HK1: variants seen among roughly 807,000 people sequenced by gnomAD.
HK1 encodes hexokinase-1.
HK1 carries 28 observed loss-of-function variants against 91.6 expected under a neutral mutation model. The ratio of observed to expected loss-of-function variants is 0.31; its 90% CI spans 0.23 to 0.42. The LOEUF (loss-of-function observed/expected upper bound fraction) is 0.42. Ranked by LOEUF, HK1 falls within the 10% of genes least tolerant of loss-of-function variation. The pLI is 1.00. For synonymous variants in HK1, 430 were observed against 468.1 expected, an observed-to-expected ratio of 0.92 and a Z score of 1.05; for missense variants, 770 against 1,219.8, an observed-to-expected ratio of 0.63 and a Z score of 5.49.
intron 5 of HK1, among the ~76,000 whole-genome samples, chr10:69,305,166 C>T (rs1846046267): frequency 6.6e-6 from 1 of 152,162 alleles, no homozygotes; most frequent in African/African-American, 2.4e-5. Flanking sequence ...GCCTGTCCTC[C>T]AGTCAGCGGG....
At chr10:69,386,713 A>G in intron 13 of HK1, 1 of 349,252 alleles carries the variant, frequency 2.9e-6, no homozygotes. Flanking sequence ...ACCCAGGAGG[A>G]GGTTGCAGTG....
chr10:69,355,810 A>G (rs1319217713), intron 2 of HK1, among the ~76,000 whole-genome samples: 2 of 150,408 alleles, frequency 1.3e-5, no homozygotes, highest in African/African-American at 2.4e-5. Flanking sequence ...CTTTGTCTCG[A>G]AAAAAAAAAT....
intron 1 of HK1, among the ~76,000 whole-genome samples, chr10:69,342,565 GC>G (rs1171614438): frequency 1.3e-5 from 2 of 152,222 alleles, no homozygotes; most frequent in African/African-American, 4.8e-5. Context: ...AGAGCACAGA[GC>G]CACACCTGCA....
At chr10:69,342,575 C>T (rs115207189) in intron 1 of HK1, among the ~76,000 whole-genome samples, 2,969 of 152,266 alleles carry the variant, frequency 0.019, 76 homozygotes, top group African/African-American at 0.063. Flanking sequence ...GCCACACCTG[C>T]AGAGGGTAGG....
intron 1 of HK1, chr10:69,338,757 G>A (rs1452015446): frequency 3.3e-6 from 4 of 1,199,056 alleles, no homozygotes; most frequent in Non-Finnish European, 4.3e-6. Flanking sequence ...GTGTGTGTGT[G>A]AGAGATTGTG....
rs144681971 is a variant in HK1 at position 69,300,229 on chromosome 10, A to T, written c.-66-540A>T. 2.3e-4 allele frequency among the ~76,000 whole-genome samples: 35 copies of T among 151,892 alleles called. 1 individual carries two copies. The highest frequency in any genetic ancestry group is 8.3e-4 in the African/African-American group (34 of 41,208). On this transcript the variant is annotated intron_variant, in intron 4 of 21. Transcript: ENST00000360289. ...TCAATACTTCCCATTTCCTGTCCTG[A>T]CAGTATCACTATTCTGACTTCTATC...
chr10:69,398,986 A>T (rs543678530), intron 17 of HK1, among the ~76,000 whole-genome samples, 158 bp downstream of exon 17: 5 of 152,304 alleles, frequency 3.3e-5, no homozygotes, highest in African/African-American at 1.2e-4. Flanking sequence ...GGACAAGGTA[A>T]TGAACAGTTT....
chr10:69,276,587 A>G (rs1490703967), intron 1 of HK1, among the ~76,000 whole-genome samples: 5 of 152,004 alleles, frequency 3.3e-5, no homozygotes, highest in Admixed American at 3.3e-4. Context: ...CCAACCCGGG[A>G]GGCGGAGGTT....
At chr10:69,364,984 C>T in intron 4 of HK1, 82 bp downstream of exon 4, 2 of 1,523,748 alleles carry the variant, frequency 1.3e-6, no homozygotes, top group Non-Finnish European at 1.8e-6. Flanking sequence ...ACAACTTTTC[C>T]CCTTTGTTGG....
intron 2 of HK1, among the ~76,000 whole-genome samples, chr10:69,345,161 T>C (rs986808569): frequency 1.3e-5 from 2 of 152,114 alleles, no homozygotes; most frequent in African/African-American, 4.8e-5. Flanking sequence ...GAATGAGATT[T>C]GGACGCTGAT....
chr10:69,343,709 A>T (rs145630357), intron 1 of HK1, 118 bp from the exon 2 acceptor site: 76 of 799,166 alleles, frequency 9.5e-5, no homozygotes, highest in South Asian at 4.3e-4. Flanking sequence ...CCGCCATGCG[A>T]TGTGCCAGCG....
intron 1 of HK1, among the ~76,000 whole-genome samples, chr10:69,280,182 G>A (rs1479493215): frequency 6.6e-6 from 1 of 152,076 alleles, no homozygotes; most frequent in African/African-American, 2.4e-5. Context: ...AGAGATCTCG[G>A]CTCACTGTAA....
chr10:69,319,231 C>A, intron 1 of HK1: 1 of 628,172 alleles, frequency 1.6e-6, no homozygotes, highest in South Asian at 1.8e-5. Context: ...GGGCGGAAGA[C>A]CCCCGAGACC....
At chr10:69,348,867 C>T (rs1305775731) in intron 2 of HK1, among the ~76,000 whole-genome samples, 1 of 151,996 alleles carries the variant, frequency 6.6e-6, no homozygotes, top group Non-Finnish European at 1.5e-5. Flanking sequence ...TTCCCGCAGG[C>T]AGAGTTTTTG....
chr10:69,315,695 T>C, upstream of HK1: 3 of 543,264 alleles, frequency 5.5e-6, no homozygotes, highest in Non-Finnish European at 1.0e-5. Flanking sequence ...CTCAGGAAGC[T>C]GTCTGATTGG....
chr10:69,395,914 G>GA (rs760773622), intron 16 of HK1, among the ~76,000 whole-genome samples: 2 of 152,164 alleles, frequency 1.3e-5, no homozygotes, highest in African/African-American at 2.4e-5. Context: ...AAAAGGGTCA[G>GA]AAAAAACAAA....
Position 69,357,765 on chromosome 10 carries a change from C to CATTGATATG in HK1, c.227-2130_227-2122dup, listed in dbSNP as rs111468929. On this transcript the variant is annotated intron_variant, in intron 2 of 17. Coordinates refer to ENST00000359426, the MANE Select transcript of HK1 (RefSeq NM_000188.3). ...ACCGCACCTGGCCACTGTATGATTT[C>CATTGATATG]ATTGATATGAAATGTCCAGAAGAGG... is the stretch of plus-strand genomic sequence containing the variant. 5.9e-3 allele frequency among the ~76,000 whole-genome samples: 901 copies of CATTGATATG among 152,166 alleles called. 8 individuals are homozygous for CATTGATATG. Among genetic ancestry groups the CATTGATATG allele is most frequent in the African/African-American group, 0.021 (867 of 41,504 alleles).
intron 7 of HK1, among the ~76,000 whole-genome samples, chr10:69,374,421 G>C (rs1050649277): frequency 6.6e-6 from 1 of 152,230 alleles, no homozygotes. Flanking sequence ...TCTGACTGCC[G>C]AGACACCTGG....
intron 3 of HK1, among the ~76,000 whole-genome samples, chr10:69,289,300 T>A (rs74138352): frequency 0.027 from 4,127 of 152,144 alleles, 195 homozygotes; most frequent in African/African-American, 0.094. Context: ...AGAGGATCGT[T>A]CTGTATCCCC....
Sources: gnomAD v4.1 joint callset for allele counts (sites outside exome capture counted in the v4.1 genomes callset) on GRCh38, gnomAD v4.1.1 for gene constraint, MANE v1.5 for transcripts, NCBI Gene and HGNC (gene_info 2026-07-23, HGNC 2026-07-21) for gene names.